Variants in NEK9 observed in about 807,000 individuals in gnomAD.
NEK9 encodes serine/threonine-protein kinase Nek9.
NEK9 carries 75 observed loss-of-function variants against 123.4 expected under a neutral mutation model. That is an observed-to-expected ratio of 0.61 (90% CI 0.50 to 0.74). The LOEUF is 0.74. NEK9 is among the 30% of genes least tolerant of loss of function. The probability of loss-of-function intolerance (pLI) is 0.00; values close to 1 mark genes in which losing one functional copy is unlikely to be tolerated. For synonymous variants in NEK9, 438 were observed against 458.7 expected, an observed-to-expected ratio of 0.95 and a Z score of 0.58; for missense variants, 952 against 1,214.4, an observed-to-expected ratio of 0.78 and a Z score of 3.21.
chr14:75,126,638 G>T, intron 1 of NEK9, 65 bp downstream of exon 1: 2 of 1,271,730 alleles, frequency 1.6e-6, no homozygotes, highest in Non-Finnish European at 2.1e-6. Context: ...AAGCGGGGCC[G>T]AGAAGGAGGG....
chr14:75,084,718 A>G, intron 21 of NEK9, 32 bp from the exon 22 acceptor site: 1 of 1,613,646 alleles, frequency 6.2e-7, no homozygotes, highest in Non-Finnish European at 8.5e-7. Context: ...CCACATTAGC[A>G]ACAGTGCCAC....
intron 14 of NEK9, among the ~76,000 whole-genome samples, chr14:75,103,460 G>A (rs1318935103): frequency 1.3e-5 from 2 of 152,098 alleles, no homozygotes; most frequent in Non-Finnish European, 2.9e-5. Flanking sequence ...ATTTGTTGAA[G>A]TATAACACAC....
At chr14:75,097,046 G>A (rs1894409121) in intron 17 of NEK9, 54 bp downstream of exon 17, 1 of 1,511,838 alleles carries the variant, frequency 6.6e-7, no homozygotes, top group Admixed American at 2.0e-5. Flanking sequence ...GTACTCAGAT[G>A]TGGGTCCATC....
chr14:75,116,610 G>GA (rs1594848993), intron 6 of NEK9: 2 of 212,110 alleles, frequency 9.4e-6, no homozygotes, highest in East Asian at 3.1e-4. Context: ...TTTAAGAGAT[G>GA]AACTTTTAAA....
intron 2 of NEK9, 89 bp downstream of exon 2, chr14:75,123,957 G>T: frequency 8.8e-7 from 1 of 1,131,818 alleles, no homozygotes; most frequent in Non-Finnish European, 1.3e-6. Context: ...TTTTATCACT[G>T]TATATGTCTC....
At chr14:75,108,344 T>G (rs1894846210) in intron 10 of NEK9, among the ~76,000 whole-genome samples, 1 of 152,050 alleles carries the variant, frequency 6.6e-6, no homozygotes, top group Non-Finnish European at 1.5e-5. Flanking sequence ...CAGGCTGGTC[T>G]CGAACTCCTG....
chr14:75,101,742 T>C lies in NEK9; in HGVS notation c.1755A>G (p.Thr585=). ...ACTGTTTGGCCAAGGTAAAGGACGTTGTGTAGGGAACTTCATGGTATGCCT... is the reference window on the plus strand; with the variant it reads ...ACTGTTTGGCCAAGGTAAAGGACGTCGTGTAGGGAACTTCATGGTATGCCT... ...NHEAYHEVPY[T]TSFTLAKQLS... Residue 585 remains threonine, a synonymous_variant, in exon 15 of 22, where the codon ACA becomes ACG. Transcript: ENST00000238616. The C allele has an allele frequency of 1.2e-6, 2 of 1,613,868 alleles. No individual in the cohort carries two copies. The highest frequency in any genetic ancestry group is 1.7e-6 in the Non-Finnish European group (2 of 1,179,758).
chr14:75,084,756 A>G (rs1893969178), intron 21 of NEK9, 70 bp from the exon 22 acceptor site: 1 of 1,594,276 alleles, frequency 6.3e-7, no homozygotes, highest in Non-Finnish European at 8.6e-7. Flanking sequence ...TCAGTACTAT[A>G]TTTTCAATGC....
At chr14:75,126,519 C>T (rs1026254029) in intron 1 of NEK9, among the ~76,000 whole-genome samples, 184 bp downstream of exon 1, 3 of 152,190 alleles carry the variant, frequency 2.0e-5, no homozygotes, top group East Asian at 1.9e-4. Flanking sequence ...AATGACTAGT[C>T]AAACCAATGA....
intron 1 of NEK9, among the ~76,000 whole-genome samples, chr14:75,124,570 G>A (rs977828076): frequency 1.3e-5 from 2 of 152,154 alleles, no homozygotes; most frequent in African/African-American, 4.8e-5. Flanking sequence ...GAATACTGGA[G>A]AAGCAGAGAA....
rs375818538 is a variant in NEK9 at position 75,100,861 on chromosome 14, AC to A, written c.2002+130del. On this transcript the variant is annotated intron_variant, in intron 16 of 21. Coordinates refer to ENST00000238616, the MANE Select transcript of NEK9 (RefSeq NM_033116.6). The stretch of plus-strand genomic sequence containing the variant: ...TAAAGCTCAATATATATAACCGGCC[AC>A]CAATTTAATACAAATAAAAAAGTAC... 8.5e-4 allele frequency: 775 copies of A among 910,062 alleles called. 20 individuals are homozygous for A. The South Asian group carries it at 0.013, about 15-fold the overall frequency. 56.4% of individuals were successfully genotyped at this position (910,062 alleles called of 1,614,324 possible).
chr14:75,098,923 C>T (rs1477189446), intron 16 of NEK9, among the ~76,000 whole-genome samples: 1 of 152,180 alleles, frequency 6.6e-6, no homozygotes, highest in Non-Finnish European at 1.5e-5. Context: ...CCTGACTGTC[C>T]TGTGTAACGT....
Position 75,127,004 on chromosome 14 carries a change from G to T in NEK9, c.-83C>A, listed in dbSNP as rs1895561335. 2.5e-6 allele frequency: 3 copies of T among 1,186,526 alleles called. No individual in the cohort carries two copies. Among genetic ancestry groups the T allele is most frequent in the Non-Finnish European group, 3.4e-6 (3 of 885,746 alleles). 73.5% of individuals were successfully genotyped at this position (1,186,526 alleles called of 1,614,324 possible). ...CTGCGTCCCGCTCGCTTCAGATGCC[G>T]GCCCGCGGATCCGTCAGCCCAGCAA... On this transcript the variant is annotated 5_prime_UTR_variant, in exon 1 of 22. Transcript: ENST00000238616.
chr14:75,126,846 C>T lies in NEK9; in HGVS notation c.76G>A (p.Gly26Arg). The change falls in exon 1 of 22, where the codon GGG becomes AGG. Residue 26 changes from glycine (G) to arginine (R), a missense_variant. This residue lies in a region of NEK9 where 120 missense variants were observed against 97.6 expected (regional missense o/e 1.23). Coordinates refer to ENST00000238616, the MANE Select transcript of NEK9 (RefSeq NM_033116.6). Reference sequence around the variant, plus strand: ...GCGCTAGGCCCCGGACTCGAGTCCCCGCAACCCCCGGACTCGCTCCCAAAG... The same window carrying T: ...GCGCTAGGCCCCGGACTCGAGTCCCTGCAACCCCCGGACTCGCTCCCAAAG... ...SDFGSESGGC[G>R]DSSPGPSASQ... 1 of 1,533,708 alleles carries T rather than the reference C, an allele frequency of 6.5e-7. No homozygotes were observed. Among genetic ancestry groups the T allele is most frequent in the East Asian group, 2.6e-5 (1 of 38,538 alleles).
chr14:75,109,556 G>A (rs1286336767), intron 10 of NEK9, 129 bp downstream of exon 10: 10 of 779,718 alleles, frequency 1.3e-5, no homozygotes, highest in Admixed American at 1.2e-4. Context: ...TCTTATAAGA[G>A]CTTCCATTCC....
Position 75,106,528 on chromosome 14 carries a change from A to G in NEK9, c.1502T>C (p.Val501Ala). ...HVVVLTRNKE[V>A]YSWGCGEYGR... ...ATATTCGCCACAGCCCCAAGAATAG[A>G]CTTCCTTGTTTCGTGTCAGAACCAC... The change falls in exon 12 of 22, where the codon GTC becomes GCC. Residue 501 changes from valine to alanine, a missense_variant. By Grantham distance (64) the Val-to-Ala change is moderately conservative (BLOSUM62 0). Transcript: ENST00000238616. 1 of 1,614,074 alleles carries G rather than the reference A, an allele frequency of 6.2e-7. No homozygotes were observed. Among genetic ancestry groups the G allele is most frequent in the African/African-American group, 1.3e-5 (1 of 75,000 alleles).
intron 6 of NEK9, 32 bp from the exon 7 acceptor site, chr14:75,114,345 G>A (rs374747733): frequency 8.6e-6 from 13 of 1,519,800 alleles, no homozygotes; most frequent in Non-Finnish European, 1.1e-5. Context: ...ATTGTTCCTG[G>A]TTATATAAAG....
intron 18 of NEK9, among the ~76,000 whole-genome samples, chr14:75,092,907 C>G (rs1894266035): frequency 6.6e-6 from 1 of 151,946 alleles, no homozygotes; most frequent in Non-Finnish European, 1.5e-5. Context: ...TGGGGACTAA[C>G]TGGGTCATGC....
intron 16 of NEK9, among the ~76,000 whole-genome samples, chr14:75,099,974 C>T (rs781372242): frequency 1.3e-5 from 2 of 150,320 alleles, no homozygotes; most frequent in Non-Finnish European, 3.0e-5. Context: ...ACTAAAAATA[C>T]AAAAATTAGC....
Sources: gnomAD v4.1 joint callset for allele counts (sites outside exome capture counted in the v4.1 genomes callset) on GRCh38, gnomAD v4.1.1 for gene constraint, gnomAD v4.1.1 regional missense constraint, MANE v1.5 for transcripts, NCBI Gene and HGNC (gene_info 2026-07-23, HGNC 2026-07-21) for gene names.